The following LRRC4C variants were observed in gnomAD, a reference collection of about 807,000 sequenced individuals.
LRRC4C encodes the protein leucine rich repeat containing 4C.
In LRRC4C, 5 loss-of-function variants were observed where a neutral mutation model predicts 33.6. That is an observed-to-expected ratio of 0.15 (90% CI 0.08 to 0.31). LRRC4C has a LOEUF of 0.31. Among genes scored for constraint, LRRC4C ranks in the 10% least tolerant of loss-of-function variants. The pLI is 1.00. For synonymous variants in LRRC4C, 329 were observed against 302.0 expected (o/e 1.09, Z -0.93); for missense variants, 560 against 796.7 (o/e 0.70, Z 3.58).
chr11:40,165,668 G>C lies in LRRC4C; in HGVS notation c.-95-24815C>G, dbSNP rs572592444. On this transcript the variant is annotated intron_variant, in intron 5 of 6. Coordinates refer to ENST00000528697, the MANE Select transcript of LRRC4C (RefSeq NM_001258419.2). ...ATGAATTAGATCTTAAGAACATACC[G>C]GGCATGGTGGCTCACGCCTGTAATC... 1.4e-4 allele frequency among the ~76,000 whole-genome samples: 21 copies of C among 152,246 alleles called. No homozygotes were observed. The South Asian group carries it at 3.9e-3, about 29-fold the overall frequency.
At chr11:40,561,761 C>T (rs1404476623) in intron 3 of LRRC4C, among the ~76,000 whole-genome samples, 1 of 152,048 alleles carries the variant, frequency 6.6e-6, no homozygotes, top group Non-Finnish European at 1.5e-5. Flanking sequence ...TTAGATAAAC[C>T]TTTCATTGTG....
intron 2 of LRRC4C, among the ~76,000 whole-genome samples, chr11:40,819,864 T>C (rs1315685719): frequency 6.6e-6 from 1 of 151,928 alleles, no homozygotes; most frequent in Admixed American, 6.6e-5. Flanking sequence ...AGAAAAACTC[T>C]AGGAAGCTAG....
rs576272552 is a variant in LRRC4C at position 40,473,328 on chromosome 11, A to G, written c.-269-153607T>C. ...TAAATCGATAAATGTAATCCATCAC[A>G]TAAACAGAACAAATGACAAAAACCA... On this transcript the variant is annotated intron_variant, in intron 3 of 6. Coordinates refer to ENST00000528697, the MANE Select transcript of LRRC4C (RefSeq NM_001258419.2). 2.6e-5 allele frequency among the ~76,000 whole-genome samples: 4 copies of G among 152,334 alleles called. No individual in the cohort carries two copies. The East Asian group carries it at 7.7e-4, about 29-fold the overall frequency.
intron 3 of LRRC4C, among the ~76,000 whole-genome samples, chr11:40,555,708 A>G (rs540230252): frequency 2.0e-5 from 3 of 152,310 alleles, no homozygotes; most frequent in African/African-American, 7.2e-5. Flanking sequence ...AGAAAAAAGG[A>G]CCGTGTATAT....
At chr11:40,934,654 C>T (rs1957788342) in intron 1 of LRRC4C, among the ~76,000 whole-genome samples, 1 of 152,060 alleles carries the variant, frequency 6.6e-6, no homozygotes, top group Non-Finnish European at 1.5e-5. Flanking sequence ...TTCTTAGTCT[C>T]CTCTGAGGTT....
intron 1 of LRRC4C, among the ~76,000 whole-genome samples, chr11:41,449,609 T>C (rs1308029744): frequency 6.6e-6 from 1 of 151,978 alleles, no homozygotes; most frequent in African/African-American, 2.4e-5. Context: ...GTTTCTCTGT[T>C]TCTCAACCTC....
At chr11:40,640,435 G>C (rs1235021882) in intron 3 of LRRC4C, among the ~76,000 whole-genome samples, 1 of 151,850 alleles carries the variant, frequency 6.6e-6, no homozygotes, top group Non-Finnish European at 1.5e-5. Flanking sequence ...TTTTAAAGAG[G>C]TGCAATATTT....
At chr11:40,689,390 C>T (rs1252403831) in intron 2 of LRRC4C, among the ~76,000 whole-genome samples, 1 of 151,964 alleles carries the variant, frequency 6.6e-6, no homozygotes, top group African/African-American at 2.4e-5. Context: ...AATGTCTACC[C>T]TACATGCTTC....
chr11:40,935,936 G>A (rs1354613058), intron 1 of LRRC4C, among the ~76,000 whole-genome samples: 1 of 146,838 alleles, frequency 6.8e-6, no homozygotes, highest in African/African-American at 2.5e-5. Context: ...CATCTTTAAA[G>A]GGAGCTGAGT....
At chr11:40,247,829 C>T (rs1179712598) in intron 4 of LRRC4C, among the ~76,000 whole-genome samples, 1 of 152,166 alleles carries the variant, frequency 6.6e-6, no homozygotes, top group East Asian at 1.9e-4. Context: ...AATTAGCAGT[C>T]ATTTGTACAT....
intron 3 of LRRC4C, among the ~76,000 whole-genome samples, chr11:40,369,655 A>G (rs1276796910): frequency 6.6e-6 from 1 of 152,238 alleles, no homozygotes; most frequent in African/African-American, 2.4e-5. Context: ...AGTTTTTTAA[A>G]GAAAGTAATT....
intron 1 of LRRC4C, among the ~76,000 whole-genome samples, chr11:40,968,868 C>T (rs1220150336): frequency 6.6e-6 from 1 of 152,070 alleles, no homozygotes; most frequent in Non-Finnish European, 1.5e-5. Flanking sequence ...TTTTGTGTCT[C>T]CTAACACAAC....
At chr11:41,175,351 G>A (rs909915697) in intron 1 of LRRC4C, among the ~76,000 whole-genome samples, 1 of 152,068 alleles carries the variant, frequency 6.6e-6, no homozygotes, top group Non-Finnish European at 1.5e-5. Context: ...TTCTGCAGGA[G>A]GAAACAATTA....
intron 1 of LRRC4C, among the ~76,000 whole-genome samples, chr11:41,304,915 TG>T (rs375392172): frequency 0.65 from 17,502 of 27,054 alleles, 7,264 homozygotes; most frequent in Non-Finnish European, 0.79. Context: ...GGGAGGGAGG[TG>T]GGGGGGGGTC....
intron 2 of LRRC4C, among the ~76,000 whole-genome samples, chr11:40,917,324 T>G (rs564900444): frequency 5.9e-4 from 90 of 152,166 alleles, no homozygotes; most frequent in African/African-American, 2.1e-3. Context: ...TAGAAGAAGG[T>G]TAATAGAACA....
intron 3 of LRRC4C, among the ~76,000 whole-genome samples, chr11:40,523,775 A>G (rs1455164896): frequency 6.6e-6 from 1 of 152,018 alleles, no homozygotes; most frequent in Non-Finnish European, 1.5e-5. Context: ...AATTTTTCTG[A>G]CTAATGAGAC....
At chr11:40,823,721 C>T (rs1952039734) in intron 2 of LRRC4C, among the ~76,000 whole-genome samples, 1 of 151,740 alleles carries the variant, frequency 6.6e-6, no homozygotes, top group Non-Finnish European at 1.5e-5. Context: ...CTGGAATGCT[C>T]ATATATTGCC....
At chr11:40,306,457 C>A (rs1178450019) in intron 4 of LRRC4C, among the ~76,000 whole-genome samples, 1 of 152,100 alleles carries the variant, frequency 6.6e-6, no homozygotes, top group Non-Finnish European at 1.5e-5. Context: ...CGATACACAC[C>A]CACACATTCA....
chr11:41,130,942 A>C (rs2135834816), intron 1 of LRRC4C, among the ~76,000 whole-genome samples: 1 of 152,192 alleles, frequency 6.6e-6, no homozygotes, highest in African/African-American at 2.4e-5. Flanking sequence ...ATAGAAGAGA[A>C]AAATCTTTTT....
Sources: allele counts gnomAD v4.1 joint callset (sites outside exome capture counted in the v4.1 genomes callset), GRCh38; gene constraint gnomAD v4.1.1; transcripts MANE v1.5; gene names NCBI Gene and HGNC (gene_info 2026-07-23, HGNC 2026-07-21).